The following CALN1 variants were observed in gnomAD, a reference collection of about 807,000 sequenced individuals.
CALN1 encodes the protein calneuron 1, also known as calcium-binding protein 8.
Under a neutral mutation model 30.6 loss-of-function variants are expected in CALN1, and 17 were observed. The observed-to-expected ratio is 0.56, with a 90% CI of 0.38 to 0.83. CALN1 has a LOEUF of 0.83. Among genes scored for constraint, CALN1 ranks in the 40% least tolerant of loss-of-function variants. The pLI, the probability that CALN1 is intolerant of heterozygous loss-of-function variation, is 0.00. For synonymous variants in CALN1, 156 were observed against 131.4 expected, an observed-to-expected ratio of 1.19 and a Z score of -1.28; for missense variants, 291 against 354.9, an observed-to-expected ratio of 0.82 and a Z score of 1.45.
intron 2 of CALN1, among the ~76,000 whole-genome samples, chr7:72,359,169 T>C (rs537844998): frequency 1.3e-5 from 2 of 152,188 alleles, no homozygotes; most frequent in East Asian, 3.9e-4. Context: ...ATCTGTGGAT[T>C]TTACTTTGCT....
intron 2 of CALN1, among the ~76,000 whole-genome samples, chr7:72,334,966 T>C (rs1801913762): frequency 6.6e-6 from 1 of 152,168 alleles, no homozygotes; most frequent in Admixed American, 6.5e-5. Context: ...AGGGCATCCT[T>C]GGGGCTTTGG....
chr7:72,082,547 G>A (rs1805217388), intron 4 of CALN1, among the ~76,000 whole-genome samples: 1 of 152,194 alleles, frequency 6.6e-6, no homozygotes, highest in South Asian at 2.1e-4. Flanking sequence ...GAAAACCATG[G>A]TGGAACTGGA....
chr7:72,263,897 C>T (rs935832421), intron 3 of CALN1, among the ~76,000 whole-genome samples: 4 of 152,194 alleles, frequency 2.6e-5, no homozygotes, highest in African/African-American at 9.6e-5. Context: ...TTAATGTCCT[C>T]CTGCAGGCTT....
At chr7:72,356,600 A>G (rs1803244760) in intron 2 of CALN1, among the ~76,000 whole-genome samples, 1 of 152,000 alleles carries the variant, frequency 6.6e-6, no homozygotes, top group South Asian at 2.1e-4. Context: ...AATCTCCCTG[A>G]AAGATGGAAC....
At chr7:71,859,150 C>T (rs1791126339) in intron 5 of CALN1, among the ~76,000 whole-genome samples, 1 of 152,102 alleles carries the variant, frequency 6.6e-6, no homozygotes, top group Admixed American at 6.6e-5. Context: ...GCAACCTCTG[C>T]CTCCTGGGTT....
chr7:72,058,520 T>C (rs1361876358), intron 4 of CALN1, among the ~76,000 whole-genome samples: 2 of 151,960 alleles, frequency 1.3e-5, no homozygotes, highest in African/African-American at 4.8e-5. Flanking sequence ...GGTTTCACCA[T>C]GTTGGTCAGG....
intron 3 of CALN1, among the ~76,000 whole-genome samples, chr7:72,117,254 C>A (rs1808051046): frequency 1.3e-5 from 2 of 152,042 alleles, no homozygotes; most frequent in Admixed American, 1.3e-4. Context: ...GAGTTTGAAG[C>A]TAAAGTGAGC....
chr7:72,283,137 G>T (rs1797846432), intron 2 of CALN1, among the ~76,000 whole-genome samples: 1 of 151,976 alleles, frequency 6.6e-6, no homozygotes, highest in African/African-American at 2.4e-5. Flanking sequence ...TATTAGCCAG[G>T]TAAATAAGTA....
At chr7:71,814,879 C>G (rs971452781) in intron 5 of CALN1, among the ~76,000 whole-genome samples, 1 of 151,208 alleles carries the variant, frequency 6.6e-6, no homozygotes, top group Non-Finnish European at 1.5e-5. Flanking sequence ...TGTCCCCCAC[C>G]CTGGAGTGCA....
intron 5 of CALN1, among the ~76,000 whole-genome samples, chr7:71,822,423 T>A (rs1055180396): frequency 6.6e-6 from 1 of 152,200 alleles, no homozygotes; most frequent in Admixed American, 6.5e-5. Flanking sequence ...TAATTTTGTA[T>A]TTTTAGTAGA....
intron 4 of CALN1, among the ~76,000 whole-genome samples, chr7:72,073,524 G>A (rs568320158): frequency 6.6e-6 from 1 of 152,232 alleles, no homozygotes; most frequent in Admixed American, 6.5e-5. Context: ...CAGACTACAA[G>A]TGTGGTGATT....
upstream of CALN1, among the ~76,000 whole-genome samples, chr7:72,450,416 G>A (rs80110494): frequency 1.1e-3 from 167 of 152,182 alleles, 1 homozygote; most frequent in African/African-American, 3.4e-3. Flanking sequence ...GACCCCCAGC[G>A]CCCAGTGGGC....
intron 5 of CALN1, among the ~76,000 whole-genome samples, chr7:71,902,755 G>A (rs980542881): frequency 2.6e-5 from 4 of 152,084 alleles, no homozygotes; most frequent in Non-Finnish European, 5.9e-5. Context: ...AAGAAGTATT[G>A]CATAAGGAAA....
At chr7:72,291,647 C>T (rs1013440950) in intron 2 of CALN1, among the ~76,000 whole-genome samples, 21 of 152,166 alleles carry the variant, frequency 1.4e-4, no homozygotes, top group Admixed American at 9.2e-4. Flanking sequence ...TTTGCTGGGC[C>T]AGTGTGGAGA....
intron 3 of CALN1, among the ~76,000 whole-genome samples, chr7:72,254,144 A>G (rs899935570): frequency 6.6e-6 from 1 of 151,820 alleles, no homozygotes; most frequent in East Asian, 1.9e-4. Flanking sequence ...TAGACCAACT[A>G]CTGCACAGAA....
At chr7:72,114,502 A>G (rs1203517866) in intron 3 of CALN1, among the ~76,000 whole-genome samples, 2 of 151,826 alleles carry the variant, frequency 1.3e-5, no homozygotes, top group Non-Finnish European at 2.9e-5. Flanking sequence ...AAAATATGAC[A>G]AGAATGGAAA....
intron 3 of CALN1, among the ~76,000 whole-genome samples, chr7:72,131,875 G>A (rs1412147979): frequency 3.3e-5 from 5 of 151,934 alleles, no homozygotes; most frequent in Non-Finnish European, 7.4e-5. Context: ...AATCTGTTCT[G>A]TGCCTCTAAG....
chr7:72,153,252 C>T (rs779449167), intron 3 of CALN1, among the ~76,000 whole-genome samples: 1 of 152,188 alleles, frequency 6.6e-6, no homozygotes, highest in Non-Finnish European at 1.5e-5. Flanking sequence ...GCGTGGGCTG[C>T]TCCACCAAAA....
At chr7:72,091,735 C>G (rs186969072) in intron 4 of CALN1, among the ~76,000 whole-genome samples, 1 of 152,180 alleles carries the variant, frequency 6.6e-6, no homozygotes, top group East Asian at 1.9e-4. Flanking sequence ...TGGCAGATGC[C>G]GTACCCAGAG....
Sources: gnomAD v4.1 joint callset for allele counts (sites outside exome capture counted in the v4.1 genomes callset) on GRCh38, gnomAD v4.1.1 for gene constraint, MANE v1.5 for transcripts, NCBI Gene and HGNC (gene_info 2026-07-23, HGNC 2026-07-21) for gene names.